Variants in TMEM117 observed in about 807,000 individuals in gnomAD.
TMEM117 encodes transmembrane protein 117.
In TMEM117, 27 loss-of-function variants were observed where a neutral mutation model predicts 52.4. The ratio of observed to expected loss-of-function variants is 0.51; its 90% CI spans 0.38 to 0.71. TMEM117 has a LOEUF of 0.71. TMEM117 is among the 30% of genes least tolerant of loss of function. The pLI, the probability that TMEM117 is intolerant of heterozygous loss-of-function variation, is 0.00. For missense variants in TMEM117, 556 were observed against 630.5 expected, an observed-to-expected ratio of 0.88 and a Z score of 1.26; for synonymous variants, 215 against 206.3, an observed-to-expected ratio of 1.04 and a Z score of -0.36.
intron 3 of TMEM117, chr12:44,009,284 C>G (rs990542830): frequency 1.1e-5 from 3 of 273,582 alleles, no homozygotes; most frequent in African/African-American, 7.0e-5. Flanking sequence ...GAAACCGATA[C>G]AGGATGATCA....
At chr12:44,304,527 T>C (rs1565693147) in intron 6 of TMEM117, among the ~76,000 whole-genome samples, 1 of 152,026 alleles carries the variant, frequency 6.6e-6, no homozygotes, top group African/African-American at 2.4e-5. Flanking sequence ...CCTTCTTCAA[T>C]CCCTAGTAGT....
intron 3 of TMEM117, among the ~76,000 whole-genome samples, chr12:44,102,052 C>T (rs1199523964): frequency 3.3e-5 from 5 of 151,480 alleles, no homozygotes; most frequent in Non-Finnish European, 5.9e-5. Flanking sequence ...CTCAGGAAAC[C>T]GATAAAGATA....
chr12:43,978,903 G>C (rs530053878), intron 3 of TMEM117, among the ~76,000 whole-genome samples: 18 of 151,386 alleles, frequency 1.2e-4, no homozygotes, highest in Admixed American at 9.3e-4. Flanking sequence ...TATTAATCTT[G>C]TTGGGGAATG....
intron 2 of TMEM117, among the ~76,000 whole-genome samples, chr12:43,924,331 G>C (rs1391217234): frequency 6.6e-6 from 1 of 151,966 alleles, no homozygotes; most frequent in East Asian, 1.9e-4. Flanking sequence ...CGTAGACACT[G>C]GTCATATAAA....
At chr12:44,280,778 A>G (rs930083170) in intron 5 of TMEM117, among the ~76,000 whole-genome samples, 8 of 148,846 alleles carry the variant, frequency 5.4e-5, no homozygotes, top group African/African-American at 1.0e-4. Flanking sequence ...CTATTTTCCA[A>G]TCTTTTACAT....
intron 3 of TMEM117, among the ~76,000 whole-genome samples, chr12:44,018,701 ATTTTTCTT>A (rs1270791336): frequency 2.7e-5 from 4 of 147,338 alleles, no homozygotes; most frequent in East Asian, 2.0e-4. Context: ...TACTGTTTTT[ATTTTTCTT>A]TTTTTCTTTT....
intron 3 of TMEM117, among the ~76,000 whole-genome samples, chr12:44,037,054 C>T (rs1436706567): frequency 2.0e-5 from 3 of 152,130 alleles, no homozygotes; most frequent in Non-Finnish European, 4.4e-5. Context: ...GCCAGGGCTG[C>T]AGCTCCATGG....
chr12:43,943,618 C>T (rs1040944189), intron 2 of TMEM117, among the ~76,000 whole-genome samples: 1 of 152,200 alleles, frequency 6.6e-6, no homozygotes, highest in Admixed American at 6.5e-5. Context: ...TTAACACATA[C>T]ATTGTCACCT....
chr12:43,857,313 C>CTTTTTTTTTTTT (rs10625731), intron 2 of TMEM117, among the ~76,000 whole-genome samples: 3 of 148,144 alleles, frequency 2.0e-5, no homozygotes, highest in Non-Finnish European at 1.5e-5. Context: ...TTTCTAGGTA[C>CTTTTTTTTTTTT]TTTTTTTTTT....
At chr12:44,381,038 A>G (rs1033535336) in intron 7 of TMEM117, among the ~76,000 whole-genome samples, 3 of 152,126 alleles carry the variant, frequency 2.0e-5, no homozygotes, top group Admixed American at 6.6e-5. Context: ...TTATTTATGC[A>G]TGTCAGAAAT....
chr12:43,906,251 T>C (rs1944385233), intron 2 of TMEM117, among the ~76,000 whole-genome samples: 1 of 151,860 alleles, frequency 6.6e-6, no homozygotes, highest in South Asian at 2.1e-4. Context: ...TCTCTCGAGG[T>C]CTGGAGTTCG....
At chr12:44,278,993 GTCT>G (rs1950547320) in intron 5 of TMEM117, among the ~76,000 whole-genome samples, 1 of 152,150 alleles carries the variant, frequency 6.6e-6, no homozygotes, top group African/African-American at 2.4e-5. Flanking sequence ...GTACATGATA[GTCT>G]TCTCTACCTA....
intron 7 of TMEM117, among the ~76,000 whole-genome samples, chr12:44,380,962 T>C (rs545056716): frequency 1.3e-5 from 2 of 152,234 alleles, no homozygotes; most frequent in South Asian, 4.1e-4. Flanking sequence ...CACTGATGAG[T>C]TCCCACTGAC....
At chr12:44,051,381 A>G (rs1946969480) in intron 3 of TMEM117, among the ~76,000 whole-genome samples, 1 of 152,222 alleles carries the variant, frequency 6.6e-6, no homozygotes, top group Non-Finnish European at 1.5e-5. Flanking sequence ...CAAAAACTAT[A>G]CTATGTATAT....
At chr12:43,837,213 G>A (rs570480283) in intron 1 of TMEM117, among the ~76,000 whole-genome samples, 1 of 152,244 alleles carries the variant, frequency 6.6e-6, no homozygotes, top group African/African-American at 2.4e-5. Flanking sequence ...GCTCTTGTCA[G>A]TTTTATCTAA....
chr12:44,306,344 C>A (rs1247523300), intron 6 of TMEM117, among the ~76,000 whole-genome samples: 1 of 152,048 alleles, frequency 6.6e-6, no homozygotes, highest in East Asian at 1.9e-4. Flanking sequence ...TAGCAGAAAT[C>A]TACTCATATT....
the TMEM117 span, among the ~76,000 whole-genome samples, chr12:43,810,079 CT>C: frequency 9.2e-5 from 14 of 151,648 alleles, no homozygotes; most frequent in East Asian, 1.9e-4. Context: ...ACAGGGAACA[CT>C]TTGGTTCAAA....
intron 2 of TMEM117, among the ~76,000 whole-genome samples, chr12:43,936,080 T>A (rs1944947975): frequency 6.6e-6 from 1 of 152,090 alleles, no homozygotes; most frequent in African/African-American, 2.4e-5. Flanking sequence ...TTATTGAAAG[T>A]TTTTTTAAGT....
intron 6 of TMEM117, among the ~76,000 whole-genome samples, chr12:44,375,008 CTAT>C (rs1257210839): frequency 2.6e-5 from 4 of 151,940 alleles, no homozygotes; most frequent in African/African-American, 7.3e-5. Context: ...AATTCAATGT[CTAT>C]TATTATTATC....
Sources: gnomAD v4.1 joint callset for allele counts (sites outside exome capture counted in the v4.1 genomes callset) on GRCh38, gnomAD v4.1.1 for gene constraint, MANE v1.5 for transcripts, NCBI Gene and HGNC (gene_info 2026-07-23, HGNC 2026-07-21) for gene names.